NAALADL2: variants seen among roughly 807,000 people sequenced by gnomAD.
NAALADL2 encodes N-acetylated alpha-linked acidic dipeptidase like 2, also known as inactive N-acetylated-alpha-linked acidic dipeptidase-like protein 2.
Under a neutral mutation model 87.2 loss-of-function variants are expected in NAALADL2, and 76 were observed. The ratio of observed to expected loss-of-function variants is 0.87; its 90% CI spans 0.72 to 1.05. The LOEUF (loss-of-function observed/expected upper bound fraction) is 1.05. Ranked by LOEUF, NAALADL2 falls within the 50% of genes least tolerant of loss-of-function variation. The probability of loss-of-function intolerance (pLI) is 0.00; values close to 1 mark genes in which losing one functional copy is unlikely to be tolerated. For missense variants in NAALADL2, 1,089 were observed against 945.8 expected, an observed-to-expected ratio of 1.15 and a Z score of -1.99; for synonymous variants, 354 against 331.0, an observed-to-expected ratio of 1.07 and a Z score of -0.75.
intron 2 of NAALADL2, among the ~76,000 whole-genome samples, chr3:174,662,368 G>C (rs1209735707): frequency 6.6e-6 from 1 of 152,040 alleles, no homozygotes; most frequent in Admixed American, 6.6e-5. Flanking sequence ...AGTTTCTCCT[G>C]TATGAGAACT....
intron 11 of NAALADL2, among the ~76,000 whole-genome samples, chr3:175,695,498 C>T (rs528058769): frequency 6.6e-6 from 1 of 152,222 alleles, no homozygotes; most frequent in South Asian, 2.1e-4. Context: ...TAAAAGAACA[C>T]TTGCTGGAAA....
At chr3:174,903,502 A>G (rs1216905168) in intron 1 of NAALADL2, among the ~76,000 whole-genome samples, 1 of 152,164 alleles carries the variant, frequency 6.6e-6, no homozygotes, top group South Asian at 2.1e-4. Context: ...TTTACTCACT[A>G]GTCTTTACTG....
At chr3:174,921,522 C>T (rs1735179958) in intron 1 of NAALADL2, among the ~76,000 whole-genome samples, 1 of 151,900 alleles carries the variant, frequency 6.6e-6, no homozygotes, top group African/African-American at 2.4e-5. Flanking sequence ...CTTCTAAGGG[C>T]CTGGCGCGGT....
chr3:174,829,755 C>T (rs1414093418), intron 3 of NAALADL2, among the ~76,000 whole-genome samples: 5 of 142,254 alleles, frequency 3.5e-5, no homozygotes, highest in African/African-American at 1.3e-4. Context: ...GTTCCTATTT[C>T]TCCACATCCT....
chr3:175,350,556 G>T (rs548212202), intron 5 of NAALADL2, among the ~76,000 whole-genome samples: 1 of 152,274 alleles, frequency 6.6e-6, no homozygotes, highest in East Asian at 1.9e-4. Flanking sequence ...TCAGAACACT[G>T]ATGCAGCCAT....
At chr3:175,503,586 A>G (rs1729854147) in intron 9 of NAALADL2, among the ~76,000 whole-genome samples, 1 of 152,080 alleles carries the variant, frequency 6.6e-6, no homozygotes, top group Non-Finnish European at 1.5e-5. Context: ...CAACCTCACT[A>G]GTATGTGTTA....
rs1316561478 is a variant in NAALADL2, at chr3:174,829,096, T to TG, written c.-9+91350_-9+91351insG. On this transcript the variant is annotated intron_variant, in intron 3 of 3. Transcript: ENST00000434257. ...AGGTTCAGGTATTACATCTGTTTTT[T>TG]TTTGTTGTTGTTGTTGTTGTTGTTG... 3.8e-3 allele frequency among the ~76,000 whole-genome samples: 551 copies of TG among 144,874 alleles called. 3 individuals are homozygous for TG. Among genetic ancestry groups the TG allele is most frequent in the Middle Eastern group, 0.021 (6 of 284 alleles).
At chr3:175,045,035 C>A (rs950933503) in intron 1 of NAALADL2, among the ~76,000 whole-genome samples, 1 of 151,888 alleles carries the variant, frequency 6.6e-6, no homozygotes, top group Non-Finnish European at 1.5e-5. Flanking sequence ...TTTATTTCCC[C>A]CATCCCATTG....
At chr3:175,059,534 G>A (rs997825720) in intron 1 of NAALADL2, 2 of 259,836 alleles carry the variant, frequency 7.7e-6, no homozygotes, top group East Asian at 2.1e-4. Flanking sequence ...TAAGCCGTCT[G>A]CTTGAATGCT....
chr3:174,718,302 A>G (rs1731396419), intron 2 of NAALADL2, among the ~76,000 whole-genome samples: 2 of 152,304 alleles, frequency 1.3e-5, no homozygotes, highest in South Asian at 4.1e-4. Context: ...AATTTATATC[A>G]TTGACCTTGA....
At chr3:175,672,854 C>A (rs1192169143) in intron 11 of NAALADL2, among the ~76,000 whole-genome samples, 4 of 152,082 alleles carry the variant, frequency 2.6e-5, no homozygotes, top group Admixed American at 2.6e-4. Context: ...AAATGTATAA[C>A]AATTTTGTGT....
intron 1 of NAALADL2, among the ~76,000 whole-genome samples, chr3:174,509,996 A>T (rs376413979): frequency 6.6e-6 from 1 of 151,980 alleles, no homozygotes; most frequent in African/African-American, 2.4e-5. Context: ...ATCTGTTGAG[A>T]TGATCATTTT....
intron 2 of NAALADL2, among the ~76,000 whole-genome samples, chr3:174,719,204 A>G (rs1731480977): frequency 6.6e-6 from 1 of 152,210 alleles, no homozygotes; most frequent in Non-Finnish European, 1.5e-5. Context: ...AGAAATTAAC[A>G]TTTGTACCAC....
rs35861742 is a variant in NAALADL2, at chr3:174,450,020, T to TACACAC, written c.-184+9010_-184+9015dup. On this transcript the variant is annotated intron_variant, in intron 1 of 3. Coordinates refer to the NAALADL2 transcript ENST00000434257. ...CACATATATATACACAACACATACA[T>TACACAC]ACACACACACACACACACACACACA... 5.4e-3 allele frequency among the ~76,000 whole-genome samples: 798 copies of TACACAC among 148,878 alleles called. 6 individuals carry two copies. Among genetic ancestry groups the TACACAC allele is most frequent in the East Asian group, 0.037 (188 of 5,084 alleles).
At chr3:175,274,922 T>C (rs559723988) in intron 4 of NAALADL2, among the ~76,000 whole-genome samples, 217 of 152,254 alleles carry the variant, frequency 1.4e-3, no homozygotes, top group Non-Finnish European at 2.2e-3. Context: ...ATTCCCTTAA[T>C]TGAGAAAAAA....
intron 1 of NAALADL2, among the ~76,000 whole-genome samples, chr3:174,471,311 G>A (rs1182888853): frequency 2.0e-5 from 3 of 151,792 alleles, no homozygotes; most frequent in African/African-American, 7.3e-5. Flanking sequence ...ACTCCAAGAT[G>A]TATGCAGTTT....
chr3:175,057,256 A>T (rs1222642898), intron 1 of NAALADL2, among the ~76,000 whole-genome samples: 1 of 152,098 alleles, frequency 6.6e-6, no homozygotes, highest in African/African-American at 2.4e-5. Flanking sequence ...TCACGTTACC[A>T]TTTTTTTCAG....
At chr3:175,337,892 T>C (rs1337344500) in intron 5 of NAALADL2, among the ~76,000 whole-genome samples, 1 of 152,192 alleles carries the variant, frequency 6.6e-6, no homozygotes, top group Non-Finnish European at 1.5e-5. Flanking sequence ...TAACCTGTTT[T>C]GGTTAATGCT....
rs574589193 is a variant in NAALADL2, at chr3:175,708,866, G to T, written c.1897-28440G>T. Reference sequence around the variant, plus strand: ...GGAAGAGAAGAAATATATGACTGCTGTTGCAGAAGAAGTGCAGATATCACT... The same window carrying T: ...GGAAGAGAAGAAATATATGACTGCTTTTGCAGAAGAAGTGCAGATATCACT... On this transcript the variant is annotated intron_variant, in intron 11 of 13. Coordinates refer to ENST00000454872, the MANE Select transcript of NAALADL2 (RefSeq NM_207015.3). Among the ~76,000 whole-genome samples the T allele has an allele frequency of 2.0e-5, 3 of 151,750 alleles. 1 individual carries two copies. The South Asian group carries it at 6.2e-4, about 31-fold the overall frequency.
Sources: gnomAD v4.1 joint callset for allele counts (sites outside exome capture counted in the v4.1 genomes callset) on GRCh38, gnomAD v4.1.1 for gene constraint, MANE v1.5 for transcripts, NCBI Gene and HGNC (gene_info 2026-07-23, HGNC 2026-07-21) for gene names.